SLC2A12: variants seen among roughly 807,000 people sequenced by gnomAD.
SLC2A12 encodes the protein solute carrier family 2 member 12.
SLC2A12 carries 23 observed loss-of-function variants against 41.8 expected under a neutral mutation model. The observed-to-expected ratio is 0.55, with a 90% CI of 0.40 to 0.78. The LOEUF is 0.78. Among genes scored for constraint, SLC2A12 ranks in the 30% least tolerant of loss-of-function variants. The probability of loss-of-function intolerance (pLI) is 0.00; values close to 1 mark genes in which losing one functional copy is unlikely to be tolerated. For synonymous variants in SLC2A12, 295 were observed against 285.9 expected, an observed-to-expected ratio of 1.03 and a Z score of -0.32; for missense variants, 654 against 745.6, an observed-to-expected ratio of 0.88 and a Z score of 1.43.
chr6:134,001,138 T>C (rs1439998815), intron 4 of SLC2A12, among the ~76,000 whole-genome samples: 4 of 150,836 alleles, frequency 2.7e-5, no homozygotes, highest in Non-Finnish European at 4.4e-5. Context: ...TGTTCACCCG[T>C]TGGTTGGGGA....
chr6:133,993,682 C>T (rs1269273370), intron 4 of SLC2A12, among the ~76,000 whole-genome samples: 2 of 152,120 alleles, frequency 1.3e-5, no homozygotes, highest in African/African-American at 4.8e-5. Context: ...AAAGTGGGTG[C>T]AGAGTTGGCT....
At chr6:134,011,813 G>A (rs920951235) in intron 2 of SLC2A12, among the ~76,000 whole-genome samples, 1 of 151,556 alleles carries the variant, frequency 6.6e-6, no homozygotes, top group Non-Finnish European at 1.5e-5. Context: ...AGCCCGAGGT[G>A]GGCAGATCAC....
chr6:134,007,813 AT>A (rs1326692341), intron 2 of SLC2A12, among the ~76,000 whole-genome samples: 1 of 152,186 alleles, frequency 6.6e-6, no homozygotes, highest in South Asian at 2.1e-4. Context: ...GGTGGGAACT[AT>A]TACGAAACCT....
chr6:134,016,956 G>A (rs1422999888), intron 2 of SLC2A12, among the ~76,000 whole-genome samples: 1 of 151,908 alleles, frequency 6.6e-6, no homozygotes, highest in Non-Finnish European at 1.5e-5. Flanking sequence ...ATTTCTCTTA[G>A]GAAAACCATG....
At chr6:133,994,353 G>A (rs917465806) in intron 4 of SLC2A12, among the ~76,000 whole-genome samples, 3 of 152,172 alleles carry the variant, frequency 2.0e-5, no homozygotes, top group Non-Finnish European at 4.4e-5. Flanking sequence ...TGTAGAGTAA[G>A]CAGTTGAATA....
intron 4 of SLC2A12, among the ~76,000 whole-genome samples, chr6:133,997,898 T>C (rs1286625053): frequency 6.6e-6 from 1 of 152,248 alleles, no homozygotes; most frequent in Non-Finnish European, 1.5e-5. Flanking sequence ...ACTACTGCTG[T>C]AATGACTTTA....
rs1056474811 is a variant in SLC2A12, at chr6:133,990,891, T to C, written c.*264A>G. On this transcript the variant is annotated 3_prime_UTR_variant, in exon 5 of 5. Transcript: ENST00000275230. Reference sequence around the variant, plus strand: ...TGCTCTGTGAAGAAGGTAGAAAGTATTAAACCAGCCAGTAACTTTTTTTTT... The same window carrying C: ...TGCTCTGTGAAGAAGGTAGAAAGTACTAAACCAGCCAGTAACTTTTTTTTT... 1.8e-4 allele frequency: 61 copies of C among 346,096 alleles called. No individual in the cohort carries two copies. Among genetic ancestry groups the C allele is most frequent in the Non-Finnish European group, 1.3e-4 (25 of 192,892 alleles). The allele number at this position is 346,096 out of a possible 1,614,324, so 21.4% of individuals were successfully genotyped here. A position where few individuals can be genotyped will look rare whatever the true frequency, so the allele number is the denominator to read the frequency against.
At chr6:134,040,306 G>A (rs930012443) in intron 1 of SLC2A12, among the ~76,000 whole-genome samples, 10 of 151,294 alleles carry the variant, frequency 6.6e-5, no homozygotes, top group East Asian at 1.9e-4. Context: ...CTCGAACTTC[G>A]GAGCTCAAGT....
intron 2 of SLC2A12, among the ~76,000 whole-genome samples, chr6:134,016,285 A>T (rs1344843151): frequency 1.3e-5 from 2 of 151,890 alleles, no homozygotes; most frequent in East Asian, 1.9e-4. Context: ...AACAAAAGAA[A>T]AAATAAATAA....
chr6:133,996,688 A>C (rs1776691399), intron 4 of SLC2A12, among the ~76,000 whole-genome samples: 1 of 152,128 alleles, frequency 6.6e-6, no homozygotes, highest in African/African-American at 2.4e-5. Flanking sequence ...TAACTTGTAA[A>C]TTCATGAAGG....
At chr6:134,034,724 G>A (rs1777268762) in intron 1 of SLC2A12, among the ~76,000 whole-genome samples, 1 of 152,230 alleles carries the variant, frequency 6.6e-6, no homozygotes, top group Non-Finnish European at 1.5e-5. Flanking sequence ...ACACACAGAG[G>A]TGAGAGTTTG....
intron 1 of SLC2A12, among the ~76,000 whole-genome samples, chr6:134,043,365 T>C (rs575493949): frequency 2.0e-5 from 3 of 152,044 alleles, no homozygotes; most frequent in Non-Finnish European, 4.4e-5. Flanking sequence ...GATTTAACCA[T>C]AAGGGGCCTG....
chr6:134,041,391 G>A (rs1319865746), intron 1 of SLC2A12, among the ~76,000 whole-genome samples: 1 of 152,106 alleles, frequency 6.6e-6, no homozygotes, highest in Non-Finnish European at 1.5e-5. Flanking sequence ...GGCAAGGCAG[G>A]AGGATTGCTT....
intron 1 of SLC2A12, among the ~76,000 whole-genome samples, chr6:134,032,795 T>C (rs1261623751): frequency 7.0e-6 from 1 of 143,138 alleles, no homozygotes; most frequent in Non-Finnish European, 1.5e-5. Flanking sequence ...ATATATATTA[T>C]ATATATATAA....
At chr6:134,006,179 A>C (rs1776811271) in intron 3 of SLC2A12, among the ~76,000 whole-genome samples, 1 of 141,440 alleles carries the variant, frequency 7.1e-6, no homozygotes, top group Non-Finnish European at 1.6e-5. Flanking sequence ...ACTATCGGAA[A>C]AAAAAAAAAA....
At position 133,990,894 on chromosome 6, in the gene SLC2A12, A is replaced by T. The variant is rs1200396540; in HGVS notation, c.*261T>A. ...TCTGTGAAGAAGGTAGAAAGTATTA[A>T]ACCAGCCAGTAACTTTTTTTTTTTA... On this transcript the variant is annotated 3_prime_UTR_variant, in exon 5 of 5. Transcript: ENST00000275230. 2.8e-6 allele frequency: 1 copy of T among 355,770 alleles called. No individual in the cohort carries two copies. The highest frequency in any genetic ancestry group is 5.0e-6 in the Non-Finnish European group (1 of 199,144). 22.0% of individuals were successfully genotyped at this position (355,770 alleles called of 1,614,324 possible).
chr6:134,037,940 G>T (rs538605045), intron 1 of SLC2A12, among the ~76,000 whole-genome samples: 1 of 152,234 alleles, frequency 6.6e-6, no homozygotes, highest in South Asian at 2.1e-4. Flanking sequence ...CTGCTCCTTG[G>T]CATTGGACCC....
At chr6:134,035,151 C>CAAAAAAAAA (rs71003662) in intron 1 of SLC2A12, among the ~76,000 whole-genome samples, 10 of 107,890 alleles carry the variant, frequency 9.3e-5, no homozygotes, top group Admixed American at 3.1e-4. Context: ...GGCTGCCTGA[C>CAAAAAAAAA]AAAAAAAAAA....
At chr6:134,000,400 C>T (rs1427121254) in intron 4 of SLC2A12, among the ~76,000 whole-genome samples, 1 of 152,186 alleles carries the variant, frequency 6.6e-6, no homozygotes, top group African/African-American at 2.4e-5. Flanking sequence ...AATACACATG[C>T]ACACATATAC....
Sources: allele counts gnomAD v4.1 joint callset (sites outside exome capture counted in the v4.1 genomes callset), GRCh38; gene constraint gnomAD v4.1.1; transcripts MANE v1.5; gene names NCBI Gene and HGNC (gene_info 2026-07-23, HGNC 2026-07-21).